ATXN2: variants seen among roughly 807,000 people sequenced by gnomAD.
The protein encoded by ATXN2 is ataxin 2.
A neutral mutation model predicts 138.6 loss-of-function variants in ATXN2; 37 were observed. The ratio of observed to expected loss-of-function variants is 0.27; its 90% confidence interval spans 0.21 to 0.35. The LOEUF (loss-of-function observed/expected upper bound fraction) is 0.35. ATXN2 is among the 10% of genes least tolerant of loss of function. The pLI is 1.00. For missense variants in ATXN2, 1,216 were observed against 1,480.3 expected, an observed-to-expected ratio of 0.82 and a Z score of 2.93; for synonymous variants, 549 against 543.7, an observed-to-expected ratio of 1.01 and a Z score of -0.13.
intron 21 of ATXN2, among the ~76,000 whole-genome samples, chr12:111,463,321 G>GTC (rs1875733913): frequency 6.6e-6 from 1 of 152,094 alleles, no homozygotes; most frequent in Non-Finnish European, 1.5e-5. Context: ...TTGAGACAGA[G>GTC]TCTCTCTCTG....
chr12:111,478,701 A>G (rs1339228897), intron 18 of ATXN2, among the ~76,000 whole-genome samples: 4 of 152,184 alleles, frequency 2.6e-5, no homozygotes, highest in Non-Finnish European at 5.9e-5. Flanking sequence ...CTAGTTTCTT[A>G]TTAATTGAAA....
At chr12:111,587,671 T>A (rs7301040) in intron 1 of ATXN2, among the ~76,000 whole-genome samples, 27,395 of 150,732 alleles carry the variant, frequency 0.18, 2,634 homozygotes, top group East Asian at 0.33. Context: ...AAAGGAAATT[T>A]AAAAAAAAAC....
At chr12:111,455,085 T>C (rs1479029441) in intron 23 of ATXN2, 1 of 703,010 alleles carries the variant, frequency 1.4e-6, no homozygotes, top group South Asian at 1.5e-5. Context: ...GAGTCGCATC[T>C]CTAGCCCACA....
intron 1 of ATXN2, among the ~76,000 whole-genome samples, chr12:111,579,658 T>C (rs1883875189): frequency 6.6e-6 from 1 of 151,042 alleles, no homozygotes; most frequent in Non-Finnish European, 1.5e-5. Context: ...TACTCAACAA[T>C]AAGCAGAAAG....
chr12:111,477,712 C>T (rs1434218650), intron 18 of ATXN2, among the ~76,000 whole-genome samples: 1 of 152,070 alleles, frequency 6.6e-6, no homozygotes, highest in Non-Finnish European at 1.5e-5. Flanking sequence ...AAATAATTTA[C>T]TAAAAGTAGT....
At chr12:111,527,150 C>T (rs1880547396) in intron 5 of ATXN2, among the ~76,000 whole-genome samples, 1 of 152,326 alleles carries the variant, frequency 6.6e-6, no homozygotes, top group South Asian at 2.1e-4. Context: ...TAAAGGCCCA[C>T]TGGGCAATGA....
intron 18 of ATXN2, among the ~76,000 whole-genome samples, chr12:111,473,613 T>TA (rs561437281): frequency 5.9e-5 from 9 of 152,000 alleles, no homozygotes; most frequent in Non-Finnish European, 1.2e-4. Flanking sequence ...CAATGGCTGC[T>TA]AAAAAACACA....
In ATXN2 at chr12:111,513,379, C is replaced by T. The variant is rs370342659; in HGVS notation, c.1536G>A (p.Thr512=). ...PVARTSPSGG[T]WSSVVSGVPR... ...TACCCCCACTGACCACTGATGACCA[C>T]GTTCCCCCCGAGGGACTGGTCCTTG... The change falls in exon 11 of 25, where the codon ACG becomes ACA. Residue 512 remains threonine (T), a synonymous_variant. Transcript: ENST00000673436. 9.9e-6 allele frequency: 16 copies of T among 1,613,358 alleles called. No homozygotes were observed. The highest frequency in any genetic ancestry group is 4.0e-5 in the African/African-American group (3 of 74,838).
intron 1 of ATXN2, among the ~76,000 whole-genome samples, chr12:111,571,929 C>T (rs1238752894): frequency 1.3e-5 from 2 of 150,110 alleles, no homozygotes; most frequent in African/African-American, 4.9e-5. Context: ...GGAGAATCGC[C>T]TGAACCCAGG....
chr12:111,529,099 C>A lies in ATXN2; in HGVS notation c.572-3783G>T, dbSNP rs534685440. Among the ~76,000 whole-genome samples, 13 of 151,840 alleles carry A rather than the reference C, an allele frequency of 8.6e-5. No individual in the cohort carries two copies. In the East Asian group the frequency reaches 2.5e-3, roughly 29 times the overall value. On this transcript the variant is annotated intron_variant, in intron 5 of 24. Transcript: ENST00000673436. ...CCTCCCAAGTCGCTGAGATTACAGG[C>A]ATGAGCCACTATGCCCAGCAAGTCT... is the stretch of plus-strand genomic sequence containing the variant.
At chr12:111,537,902 C>A (rs1198441682) in intron 5 of ATXN2, among the ~76,000 whole-genome samples, 11 of 151,990 alleles carry the variant, frequency 7.2e-5, no homozygotes, top group Admixed American at 7.2e-4. Flanking sequence ...TTGAGACCAG[C>A]CTGGGCAACA....
At chr12:111,456,797 G>C (rs1423476244) in intron 22 of ATXN2, among the ~76,000 whole-genome samples, 1 of 151,778 alleles carries the variant, frequency 6.6e-6, no homozygotes, top group Admixed American at 6.6e-5. Context: ...GTCCAAGCTG[G>C]AGTGCAGTGG....
rs767701986 is a variant in ATXN2 at position 111,510,518 on chromosome 12, G to C, written c.1623C>G (p.Thr541=). The change falls in exon 12 of 25, where the codon ACC becomes ACG. Residue 541 remains threonine, a synonymous_variant. Transcript: ENST00000673436. ...RSPRQNSIGN[T]PSGPVLASPQ... is the part of the protein sequence containing the mutation. ...GAGAAGCAAGAACTGGCCCACTGGGGGTATTTCCAATACTGTTCTGTCTGG... is the reference window on the plus strand; with the variant it reads ...GAGAAGCAAGAACTGGCCCACTGGGCGTATTTCCAATACTGTTCTGTCTGG... The C allele has an allele frequency of 6.2e-7, 1 of 1,614,042 alleles. No homozygotes were observed. The highest frequency in any genetic ancestry group is 8.5e-7 in the Non-Finnish European group (1 of 1,179,988).
intron 1 of ATXN2, chr12:111,581,351 C>T (rs973483345): frequency 3.4e-6 from 2 of 579,764 alleles, no homozygotes; most frequent in Non-Finnish European, 6.5e-6. Flanking sequence ...CCCAGCAACC[C>T]GACCACAGCT....
intron 5 of ATXN2, among the ~76,000 whole-genome samples, chr12:111,547,777 TAAA>T (rs533666242): frequency 2.2e-5 from 2 of 88,986 alleles, no homozygotes; most frequent in Non-Finnish European, 4.6e-5. Context: ...AGCCAAAGAT[TAAA>T]AAAAAAAAAA....
At chr12:111,463,199 T>C (rs1386385874) in intron 21 of ATXN2, among the ~76,000 whole-genome samples, 1 of 152,222 alleles carries the variant, frequency 6.6e-6, no homozygotes, top group African/African-American at 2.4e-5. Context: ...CAACATTTCA[T>C]ACAAGGTGAC....
At chr12:111,507,380 C>T (rs1203327278) in intron 14 of ATXN2, among the ~76,000 whole-genome samples, 1 of 151,772 alleles carries the variant, frequency 6.6e-6, no homozygotes, top group Admixed American at 6.6e-5. Flanking sequence ...AGGAGCCCCT[C>T]TGCCCGGCAG....
chr12:111,528,037 C>G (rs907404483), intron 5 of ATXN2, among the ~76,000 whole-genome samples: 2 of 152,156 alleles, frequency 1.3e-5, no homozygotes, highest in Admixed American at 1.3e-4. Context: ...AAATTCCAAA[C>G]GAGTCATATT....
At chr12:111,506,901 A>C (rs1179613088) in intron 14 of ATXN2, among the ~76,000 whole-genome samples, 3 of 152,114 alleles carry the variant, frequency 2.0e-5, no homozygotes, top group African/African-American at 7.2e-5. Flanking sequence ...CCTAACCGCG[A>C]GTGATCTGCC....
Sources: allele counts gnomAD v4.1 joint callset (sites outside exome capture counted in the v4.1 genomes callset), GRCh38; gene constraint gnomAD v4.1.1; transcripts MANE v1.5; gene names NCBI Gene and HGNC (gene_info 2026-07-23, HGNC 2026-07-21).